Variants in NPAS1 observed in about 807,000 individuals in gnomAD.
NPAS1 encodes neuronal PAS domain-containing protein 1.
In NPAS1, 29 loss-of-function variants were observed where a neutral mutation model predicts 49.2. That is an observed-to-expected ratio of 0.59 (90% confidence interval 0.44 to 0.80). The LOEUF (loss-of-function observed/expected upper bound fraction) is 0.80, where lower values mean the gene tolerates loss of function less well. Ranked by LOEUF, NPAS1 falls within the 30% of genes least tolerant of loss-of-function variation. The pLI, the probability that NPAS1 is intolerant of heterozygous loss-of-function variation, is 0.00. For synonymous variants in NPAS1, 408 were observed against 380.4 expected (o/e 1.07, Z -0.84); for missense variants, 825 against 835.5 (o/e 0.99, Z 0.15).
chr19:47,036,284 C>T (rs760049031), intron 6 of NPAS1, among the ~76,000 whole-genome samples, 155 bp downstream of exon 6: 11 of 152,234 alleles, frequency 7.2e-5, no homozygotes, highest in Non-Finnish European at 8.8e-5. Context: ...TAAATTGAGG[C>T]GGTGAGACTT....
chr19:47,040,887 A>ACTCCTCCTGT, intron 9 of NPAS1, 91 bp from the exon 10 acceptor site: 2 of 1,112,950 alleles, frequency 1.8e-6, no homozygotes, highest in South Asian at 1.7e-5. Context: ...CCCTGCTCTC[A>ACTCCTCCTGT]CTCCTCCTGT....
chr19:47,041,231 AG>A (rs2057018390), intron 10 of NPAS1, 106 bp downstream of exon 10: 11 of 1,129,596 alleles, frequency 9.7e-6, no homozygotes, highest in Non-Finnish European at 1.3e-5. Flanking sequence ...GGACAAGCCC[AG>A]GGGGTCTGCA....
intron 8 of NPAS1, among the ~76,000 whole-genome samples, chr19:47,039,796 G>C (rs1167470356): frequency 6.6e-6 from 1 of 151,864 alleles, no homozygotes; most frequent in Non-Finnish European, 1.5e-5. Context: ...CTGTGTCTTG[G>C]GTCCGGGCCC....
chr19:47,038,301 G>A (rs553234106), intron 6 of NPAS1, among the ~76,000 whole-genome samples: 13 of 152,076 alleles, frequency 8.5e-5, no homozygotes, highest in African/African-American at 2.4e-4. Flanking sequence ...GCCAGATCAC[G>A]AGGTCAAGAG....
intron 11 of NPAS1, among the ~76,000 whole-genome samples, chr19:47,043,325 C>A (rs1331902478): frequency 7.0e-6 from 1 of 143,606 alleles, no homozygotes; most frequent in Non-Finnish European, 1.5e-5. Flanking sequence ...AGTGGTGACT[C>A]AAGCCTGTAA....
rs2056911986 is a variant in NPAS1 at position 47,032,339 on chromosome 19, T to C, written c.420T>C (p.Gly140=). The C allele has an allele frequency of 6.2e-7, 1 of 1,613,580 alleles. No individual in the cohort carries two copies. The highest frequency in any genetic ancestry group is 8.5e-7 in the Non-Finnish European group (1 of 1,179,894). Residue 140 remains glycine (G), a synonymous_variant, in exon 4 of 12, where the codon GGT becomes GGC. Coordinates refer to ENST00000602212, the MANE Select transcript of NPAS1 (RefSeq NM_002517.4). ...AAGTCTTCGAGCAGCACCTGGGAGG[T>C]CACATCTTGCAGGTGAGTGAGGCCC... ...VSEVFEQHLG[G]HILQSLDGFV...
At chr19:47,029,023 CCT>C (rs2056890266) in intron 3 of NPAS1, among the ~76,000 whole-genome samples, 1 of 151,902 alleles carries the variant, frequency 6.6e-6, no homozygotes, top group African/African-American at 2.4e-5. Flanking sequence ...CATCTCTTTT[CCT>C]CTGTCTCTCC....
chr19:47,035,880 T>A (rs1317334480), intron 5 of NPAS1, 84 bp from the exon 6 acceptor site: 3 of 1,384,838 alleles, frequency 2.2e-6, no homozygotes. Context: ...TGCAGGCAAA[T>A]GAGGCAAGGC....
intron 6 of NPAS1, among the ~76,000 whole-genome samples, chr19:47,036,550 C>T (rs2056958483): frequency 6.6e-6 from 1 of 152,022 alleles, no homozygotes; most frequent in Non-Finnish European, 1.5e-5. Flanking sequence ...CCAGCCTGGG[C>T]AACATAGTGA....
Position 47,021,638 on chromosome 19 carries a change from C to G in NPAS1, c.149C>G (p.Ser50Cys). Residue 50 changes from serine to cysteine, a missense_variant, in exon 3 of 12, where the codon TCC becomes TGC. Transcript: ENST00000602212. The surrounding 1 kb of genome is among the most constrained non-coding windows in gnomAD (Gnocchi z 5.7). ...PCLQAQRKEK[S>C]RNAARSRRGK... The stretch of plus-strand genomic sequence containing the variant: ...CTGCAGGCGCAGCGCAAGGAGAAGT[C>G]CCGGAACGCGGCGCGCTCGCGGCGC... 2 of 1,546,794 alleles carry G rather than the reference C, an allele frequency of 1.3e-6. No individual in the cohort carries two copies. Among genetic ancestry groups the G allele is most frequent in the South Asian group, 1.2e-5 (1 of 83,474 alleles).
At chr19:47,020,983 C>T in intron 1 of NPAS1, 23 bp from the exon 2 acceptor site, 1 of 1,458,824 alleles carries the variant, frequency 6.9e-7, no homozygotes, top group South Asian at 1.3e-5. Context: ...CTAAGCGTTG[C>T]CCCTGGCCCC....
At chr19:47,044,962 G>A (rs2057058765) in intron 11 of NPAS1, among the ~76,000 whole-genome samples, 1 of 152,144 alleles carries the variant, frequency 6.6e-6, no homozygotes, top group Admixed American at 6.5e-5. Context: ...CCCCAGAGGC[G>A]GAGGTTGCAG....
At chr19:47,038,639 C>G (rs895224645) in intron 6 of NPAS1, among the ~76,000 whole-genome samples, 2 of 152,016 alleles carry the variant, frequency 1.3e-5, no homozygotes, top group Non-Finnish European at 2.9e-5. Context: ...CCAGCCTGGC[C>G]AACATGGCAA....
rs142570707 is a variant in NPAS1 at position 47,038,926 on chromosome 19, G to A, written c.689-110G>A. On this transcript the variant is annotated intron_variant, in intron 6 of 11. Transcript: ENST00000602212. ...ATCAGGCATGCCTCTGAGTGCGGCC[G>A]TGGCCCAGCGGACATCTTGTGTCTA... The A allele has an allele frequency of 8.7e-4, 765 of 875,130 alleles. 2 individuals are homozygous for A. Among genetic ancestry groups the A allele is most frequent in the Middle Eastern group, 3.8e-3 (17 of 4,500 alleles). The allele number at this position is 875,130 out of a possible 1,614,324, so 54.2% of individuals were successfully genotyped here.
Position 47,038,775 on chromosome 19 carries a change from C to T in NPAS1, c.689-261C>T, listed in dbSNP as rs182350756. ...CCAGGAGGCGGAGGTTGCAGTGAGC[C>T]AAGATTGCGCCATTCACTCCAGCCT... On this transcript the variant is annotated intron_variant, in intron 6 of 11. Transcript: ENST00000602212. Among the ~76,000 whole-genome samples the T allele has an allele frequency of 8.6e-3, 1,299 of 151,856 alleles. 18 individuals carry two copies. Among genetic ancestry groups the T allele is most frequent in the African/African-American group, 0.029 (1,215 of 41,392 alleles).
intron 7 of NPAS1, 60 bp downstream of exon 7, chr19:47,039,211 A>T: frequency 6.6e-7 from 1 of 1,518,518 alleles, no homozygotes; most frequent in Non-Finnish European, 8.9e-7. Context: ...ATTGAGGGTG[A>T]CCGAGGGAAC....
chr19:47,021,083 C>A lies in NPAS1; in HGVS notation c.36C>A (p.Ser12Arg). 1 of 1,604,434 alleles carries A rather than the reference C, an allele frequency of 6.2e-7. No individual in the cohort carries two copies. Among genetic ancestry groups the A allele is most frequent in the Non-Finnish European group, 8.5e-7 (1 of 1,176,326 alleles). ...CCTATCCCGGCAGTGGCGGCGGAAG[C>A]GAGGTCAAATGCGTGGGAGGCCGCG... Reference protein sequence around the residue: ...AAPYPGSGGGSEVKCVGGRGA... With the variant: ...AAPYPGSGGGREVKCVGGRGA... The change falls in exon 2 of 12, where the codon AGC (serine) becomes AGA (arginine). Residue 12 changes from serine to arginine, a missense_variant. By Grantham distance (110) the Ser-to-Arg change is moderately radical. Coordinates refer to ENST00000602212, the MANE Select transcript of NPAS1 (RefSeq NM_002517.4). The surrounding 1 kb of genome is among the most constrained non-coding windows in gnomAD (Gnocchi z 5.7).
chr19:47,020,396 C>G (rs2122413892), intron 1 of NPAS1, among the ~76,000 whole-genome samples: 1 of 151,536 alleles, frequency 6.6e-6, no homozygotes, highest in Non-Finnish European at 1.5e-5. Flanking sequence ...GGCTCGCGCG[C>G]CGGGGTCTTC....
At position 47,045,255 on chromosome 19, in the gene NPAS1, GGGCAAACGCATCAAAGTGGAGCCCGGCCC is replaced by G; in HGVS notation, c.1379_1407del (p.Gly460GlufsTer142). On this transcript the variant is annotated frameshift_variant, in exon 12 of 12. Transcript: ENST00000602212. LOFTEE classifies it low-confidence loss of function (END_TRUNC). Reference sequence around the variant, plus strand: ...CGGAGAACGAGGCCCCCCAGACCCAGGGCAAACGCATCAAAGTGGAGCCCGGCCCGAGGGAAACCAAAGGCTCCGAGGAC... The same window carrying G: ...CGGAGAACGAGGCCCCCCAGACCCAGGAGGGAAACCAAAGGCTCCGAGGAC... The G allele has an allele frequency of 6.2e-7, 1 of 1,613,996 alleles. No individual in the cohort carries two copies. The highest frequency in any genetic ancestry group is 8.5e-7 in the Non-Finnish European group (1 of 1,179,992).
Sources: allele counts gnomAD v4.1 joint callset (sites outside exome capture counted in the v4.1 genomes callset), GRCh38; gene constraint gnomAD v4.1.1; non-coding constraint Gnocchi (gnomAD v3.1); transcripts MANE v1.5; gene names NCBI Gene and HGNC (gene_info 2026-07-23, HGNC 2026-07-21).